The following CRACDL variants were observed in gnomAD, a reference collection of about 807,000 sequenced individuals.
CRACDL encodes the protein CRACD-like protein.
A neutral mutation model predicts 70.6 loss-of-function variants in CRACDL; 26 were observed. The observed-to-expected ratio is 0.37, with a 90% CI of 0.27 to 0.51. CRACDL has a LOEUF of 0.51. CRACDL is among the 20% of genes least tolerant of loss of function. CRACDL has a pLI of 0.94. For synonymous variants in CRACDL, 618 were observed against 615.2 expected (o/e 1.00, Z -0.07); for missense variants, 1,283 against 1,376.9 (o/e 0.93, Z 1.08).
chr2:98,799,481 G>C lies in CRACDL; in HGVS notation c.2417-1944C>G, dbSNP rs181633229. Among the ~76,000 whole-genome samples, 503 of 152,160 alleles carry C rather than the reference G, an allele frequency of 3.3e-3. 1 individual carries two copies. The highest frequency in any genetic ancestry group is 5.6e-3 in the Non-Finnish European group (381 of 67,990). Reference sequence around the variant, plus strand: ...CTCCTTTTTCTGGCTGCTCCCTGGGGCCTCCACCTGACTGGCCCCCTGGGA... The same window carrying C: ...CTCCTTTTTCTGGCTGCTCCCTGGGCCCTCCACCTGACTGGCCCCCTGGGA... On this transcript the variant is annotated intron_variant, in intron 7 of 9. Coordinates refer to ENST00000397899, the MANE Select transcript of CRACDL (RefSeq NM_207362.3).
intron 1 of CRACDL, among the ~76,000 whole-genome samples, chr2:98,927,602 C>T (rs529919614): frequency 6.6e-6 from 1 of 151,608 alleles, no homozygotes; most frequent in Non-Finnish European, 1.5e-5. Context: ...GGAGACGGTA[C>T]GCAAAGGCAC....
At position 98,822,855 on chromosome 2, in the gene CRACDL, CCCGCTCCTCTCTCGGGCTCCGTCT is replaced by C. The variant is rs762131519; in HGVS notation, c.1394_1417del (p.Glu465_Ala472del). The C allele has an allele frequency of 7.2e-5, 105 of 1,457,156 alleles. No individual in the cohort carries two copies. The highest frequency in any genetic ancestry group is 9.1e-5 in the Non-Finnish European group (101 of 1,114,744). 90.3% of individuals were successfully genotyped at this position (1,457,156 alleles called of 1,614,324 possible). A position where few individuals can be genotyped will look rare whatever the true frequency, so the allele number is the denominator to read the frequency against. On this transcript the variant is annotated inframe_deletion, in exon 7 of 10. Transcript: ENST00000397899. The surrounding 1 kb of genome is among the most constrained non-coding windows in gnomAD (Gnocchi z 4.9). Reference sequence around the variant, plus strand: ...GGTCCCAATTCTCTCGGGCTCGGTCCCCGCTCCTCTCTCGGGCTCCGTCTCCGCTTCTCTCTCGGGCTCAGGCGC... The same window carrying C: ...GGTCCCAATTCTCTCGGGCTCGGTCCCCGCTTCTCTCTCGGGCTCAGGCGC...
intron 1 of CRACDL, among the ~76,000 whole-genome samples, chr2:98,874,994 A>T (rs1297512047): frequency 6.6e-6 from 1 of 152,212 alleles, no homozygotes; most frequent in African/African-American, 2.4e-5. Context: ...GGCCTGCTAC[A>T]CAATTTGTTC....
In CRACDL at chr2:98,794,598, TG is replaced by T; in HGVS notation, c.2822del (p.Pro941HisfsTer21). The T allele has an allele frequency of 6.2e-7, 1 of 1,613,268 alleles. No individual in the cohort carries two copies. The highest frequency in any genetic ancestry group is 8.5e-7 in the Non-Finnish European group (1 of 1,179,202). ...KRASYASTDQ[P>X]SWMELARKKS... ...TCTTTCTGGCAAGTTCCATCCAGGATGGCTGATCTGTACTGGCATAACTGGC... is the reference window on the plus strand; with the variant it reads ...TCTTTCTGGCAAGTTCCATCCAGGATGCTGATCTGTACTGGCATAACTGGC... On this transcript the variant is annotated frameshift_variant, in exon 10 of 10. Coordinates refer to ENST00000397899, the MANE Select transcript of CRACDL (RefSeq NM_207362.3). LOFTEE classifies it high-confidence loss of function.
At position 98,826,988 on chromosome 2, in the gene CRACDL, C is replaced by G; in HGVS notation, c.722G>C (p.Arg241Thr). ...KPRNQRSSKMRRLSSRAQSES... is the reference protein window; with the variant it reads ...KPRNQRSSKMTRLSSRAQSES... The stretch of plus-strand genomic sequence containing the variant: ...AAACCCAATTACCGATGAGAGCCGC[C>G]TCATCTTACTCGACCGCTGGTTGCG... The change falls in exon 6 of 10, where the codon AGG (arginine) becomes ACG (threonine). Residue 241 changes from arginine (R) to threonine (T), a missense_variant. Transcript: ENST00000397899. 6.2e-7 allele frequency: 1 copy of G among 1,613,250 alleles called. No homozygotes were observed. The highest frequency in any genetic ancestry group is 8.5e-7 in the Non-Finnish European group (1 of 1,179,588).
chr2:98,871,956 T>G (rs1427568465), intron 1 of CRACDL, among the ~76,000 whole-genome samples: 1 of 152,180 alleles, frequency 6.6e-6, no homozygotes, highest in East Asian at 1.9e-4. Flanking sequence ...AAAGAAAATG[T>G]GGTGCATGTA....
At chr2:98,830,886 G>C (rs1032377475) in intron 5 of CRACDL, among the ~76,000 whole-genome samples, 1 of 152,218 alleles carries the variant, frequency 6.6e-6, no homozygotes, top group East Asian at 1.9e-4. Context: ...GATGCTGTGA[G>C]AGTCAGAGAC....
At chr2:98,795,077 A>ATATATATATTTTTTTTT in intron 9 of CRACDL, among the ~76,000 whole-genome samples, 22 of 58,458 alleles carry the variant, frequency 3.8e-4, no homozygotes, top group Non-Finnish European at 5.0e-4. Flanking sequence ...ATATATATAT[A>ATATATATATTTTTTTTT]TTTTTTTTTT....
chr2:98,903,427 C>T (rs1468595629), intron 1 of CRACDL, among the ~76,000 whole-genome samples: 3 of 152,254 alleles, frequency 2.0e-5, no homozygotes, highest in Admixed American at 1.3e-4. Flanking sequence ...TGATTTCAAA[C>T]CCATTTTGTT....
At chr2:98,901,858 C>T (rs1385784268) in intron 1 of CRACDL, among the ~76,000 whole-genome samples, 1 of 152,028 alleles carries the variant, frequency 6.6e-6, no homozygotes, top group Non-Finnish European at 1.5e-5. Context: ...CACACTGCGC[C>T]CAGCTGGCTG....
intron 5 of CRACDL, 21 bp downstream of exon 5, chr2:98,832,327 A>G (rs1372822516): frequency 2.5e-6 from 4 of 1,613,834 alleles, no homozygotes; most frequent in Non-Finnish European, 2.5e-6. Flanking sequence ...GAAGACATGC[A>G]GTGGTACAGG....
In CRACDL at chr2:98,822,403, G is replaced by A; in HGVS notation, c.1870C>T (p.His624Tyr). ...DDLQGLPEPQ[H>Y]AKPGPRKLAE... ...AGCTTCCGAGGGCCAGGTTTCGCGTGCTGGGGCTCGGGGAGACCCTGGAGG... is the reference window on the plus strand; with the variant it reads ...AGCTTCCGAGGGCCAGGTTTCGCGTACTGGGGCTCGGGGAGACCCTGGAGG... Residue 624 changes from histidine to tyrosine, a missense_variant, in exon 7 of 10, where the codon CAC (histidine) becomes TAC (tyrosine). Physicochemically the swap from His to Tyr is moderately conservative, Grantham distance 83 (BLOSUM62 2). This residue lies in a region of CRACDL where 921 missense variants were observed against 881.9 expected (regional missense o/e 1.04). Coordinates refer to ENST00000397899, the MANE Select transcript of CRACDL (RefSeq NM_207362.3). This position sits in a 1 kb window ranked among gnomAD's most constrained non-coding sequence, Gnocchi z 4.9. 1 of 1,481,896 alleles carries A rather than the reference G, an allele frequency of 6.7e-7. No homozygotes were observed. Among genetic ancestry groups the A allele is most frequent in the East Asian group, 2.9e-5 (1 of 34,882 alleles). The allele number at this position is 1,481,896 out of a possible 1,614,324, so 91.8% of individuals were successfully genotyped here. A position where few individuals can be genotyped will look rare whatever the true frequency, so the allele number is the denominator to read the frequency against.
rs527765997 is a variant in CRACDL at position 98,906,504 on chromosome 2, C to T, written c.-11+29434G>A. Among the ~76,000 whole-genome samples, 15 of 151,732 alleles carry T rather than the reference C, an allele frequency of 9.9e-5. No individual in the cohort carries two copies. In the South Asian group the frequency reaches 1.3e-3, roughly 13 times the overall value. The stretch of plus-strand genomic sequence containing the variant: ...CTCAAACTCCTGACCTCAGGTGATC[C>T]GCCTGCCTCGGCCTCCCAAAGTGCT... On this transcript the variant is annotated intron_variant, in intron 1 of 9. Coordinates refer to ENST00000397899, the MANE Select transcript of CRACDL (RefSeq NM_207362.3).
rs1472634931 is a variant in CRACDL, at chr2:98,908,027, T to C, written c.-11+27911A>G. 4.9e-4 allele frequency among the ~76,000 whole-genome samples: 75 copies of C among 152,182 alleles called. 2 individuals are homozygous for C. On this transcript the variant is annotated intron_variant, in intron 1 of 9. Transcript: ENST00000397899. Reference sequence around the variant, plus strand: ...TGTACCTTCAATAAACCCATGGGAATAGAAGGCCAGTTTTCATCTCCGACG... The same window carrying C: ...TGTACCTTCAATAAACCCATGGGAACAGAAGGCCAGTTTTCATCTCCGACG...
chr2:98,822,315 C>A lies in CRACDL; in HGVS notation c.1958G>T (p.Ser653Ile), dbSNP rs893897442. The change falls in exon 7 of 10, where the codon AGC becomes ATC. Residue 653 changes from serine to isoleucine, a missense_variant. This residue lies in a region of CRACDL where 921 missense variants were observed against 881.9 expected (regional missense o/e 1.04). Coordinates refer to ENST00000397899, the MANE Select transcript of CRACDL (RefSeq NM_207362.3). This position sits in a 1 kb window ranked among gnomAD's most constrained non-coding sequence, Gnocchi z 4.9. ...RAASPAGPRKSPQEAAAAPGT... is the reference protein window; with the variant it reads ...RAASPAGPRKIPQEAAAAPGT... The stretch of plus-strand genomic sequence containing the variant: ...GGGCGCGGCGGCCGCCTCCTGAGGG[C>A]TCTTGCGCGGCCCGGCCGGGCTGGC... 6.7e-7 allele frequency: 1 copy of A among 1,481,618 alleles called. No individual in the cohort carries two copies. The allele number at this position is 1,481,618 out of a possible 1,614,324, so 91.8% of individuals were successfully genotyped here. A position where few individuals can be genotyped will look rare whatever the true frequency, so the allele number is the denominator to read the frequency against.
At chr2:98,858,577 A>G (rs1706805868) in intron 1 of CRACDL, among the ~76,000 whole-genome samples, 1 of 151,962 alleles carries the variant, frequency 6.6e-6, no homozygotes, top group Non-Finnish European at 1.5e-5. Flanking sequence ...TCCACTATAT[A>G]AAACTAGAAA....
chr2:98,887,256 G>A (rs1707824145), intron 1 of CRACDL, among the ~76,000 whole-genome samples: 1 of 152,192 alleles, frequency 6.6e-6, no homozygotes, highest in African/African-American at 2.4e-5. Context: ...GGGAAGCTGA[G>A]GCAGGAGAAT....
At chr2:98,798,095 A>G (rs759158500) in intron 7 of CRACDL, among the ~76,000 whole-genome samples, 5 of 152,076 alleles carry the variant, frequency 3.3e-5, no homozygotes, top group African/African-American at 1.2e-4. Context: ...TGTAATCCCA[A>G]CTCTCTGGAA....
chr2:98,858,931 C>G (rs1706822469), intron 1 of CRACDL, among the ~76,000 whole-genome samples: 1 of 152,128 alleles, frequency 6.6e-6, no homozygotes, highest in South Asian at 2.1e-4. Context: ...ACTACTGAAT[C>G]TAAGCCAATA....
Sources: gnomAD v4.1 joint callset for allele counts (sites outside exome capture counted in the v4.1 genomes callset) on GRCh38, gnomAD v4.1.1 for gene constraint, gnomAD v4.1.1 regional missense constraint, Gnocchi (gnomAD v3.1) non-coding constraint, MANE v1.5 for transcripts, NCBI Gene and HGNC (gene_info 2026-07-23, HGNC 2026-07-21) for gene names.